Variants in JARID2 observed in about 807,000 individuals in gnomAD.
The protein encoded by JARID2 is protein Jumonji.
In JARID2, 21 loss-of-function variants were observed where a neutral mutation model predicts 125.6. That is an observed-to-expected ratio of 0.17 (90% CI 0.12 to 0.24). The LOEUF (loss-of-function observed/expected upper bound fraction) is 0.24. Among genes scored for constraint, JARID2 ranks in the 10% least tolerant of loss-of-function variants. The pLI is 1.00. For missense variants in JARID2, 1,303 were observed against 1,639.6 expected (o/e 0.79, Z 3.55); for synonymous variants, 736 against 661.6 (o/e 1.11, Z -1.73).
rs187211986 is a variant in JARID2, at chr6:15,483,138, C to T, written c.671-4169C>T. Reference sequence around the variant, plus strand: ...AGTAAAAACTACAAATAACTAAGTCCGAAGAACTATAGTGTGTTGGTCCTT... The same window carrying T: ...AGTAAAAACTACAAATAACTAAGTCTGAAGAACTATAGTGTGTTGGTCCTT... On this transcript the variant is annotated intron_variant, in intron 5 of 17. Coordinates refer to ENST00000341776, the MANE Select transcript of JARID2 (RefSeq NM_004973.4). Among the ~76,000 whole-genome samples, 14 of 152,184 alleles carry T rather than the reference C, an allele frequency of 9.2e-5. No homozygotes were observed. In the East Asian group the frequency reaches 1.5e-3, roughly 17 times the overall value.
At chr6:15,485,162 T>C (rs2127713217) in intron 5 of JARID2, among the ~76,000 whole-genome samples, 1 of 152,356 alleles carries the variant, frequency 6.6e-6, no homozygotes, top group Non-Finnish European at 1.5e-5. Flanking sequence ...CGTCGGATTG[T>C]ATCCCATATT....
chr6:15,275,049 A>T (rs1760443003), intron 1 of JARID2, among the ~76,000 whole-genome samples: 1 of 151,324 alleles, frequency 6.6e-6, no homozygotes, highest in South Asian at 2.1e-4. Flanking sequence ...AGGATTAAAA[A>T]CCTCTGTTTT....
intron 3 of JARID2, among the ~76,000 whole-genome samples, chr6:15,448,511 C>G (rs572965103): frequency 5.9e-5 from 9 of 152,300 alleles, no homozygotes; most frequent in Middle Eastern, 3.4e-3. Flanking sequence ...GGCAATATTT[C>G]TATAAAATTC....
At chr6:15,291,595 C>CCCTGCTAGGCCAGAAGGGAT (rs1761217538) in intron 1 of JARID2, among the ~76,000 whole-genome samples, 1 of 152,210 alleles carries the variant, frequency 6.6e-6, no homozygotes, top group African/African-American at 2.4e-5. Context: ...AGGCCAGAAT[C>CCCTGCTAGGCCAGAAGGGAT]GCTGCATTCA....
At chr6:15,445,736 A>G (rs1044162270) in intron 3 of JARID2, among the ~76,000 whole-genome samples, 22 of 152,178 alleles carry the variant, frequency 1.4e-4, no homozygotes, top group African/African-American at 5.3e-4. Flanking sequence ...GGGTTAGAAA[A>G]GCGCCTTGTG....
intron 1 of JARID2, among the ~76,000 whole-genome samples, chr6:15,344,846 A>G (rs1763193797): frequency 6.6e-6 from 1 of 152,194 alleles, no homozygotes; most frequent in Non-Finnish European, 1.5e-5. Context: ...GCTATTAATA[A>G]TAATAAAAAT....
chr6:15,428,417 A>G (rs1290526105), intron 3 of JARID2, among the ~76,000 whole-genome samples: 1 of 150,826 alleles, frequency 6.6e-6, no homozygotes, highest in Non-Finnish European at 1.5e-5. Flanking sequence ...CTATCCCTCC[A>G]CCCTCCCGCC....
At chr6:15,257,323 A>G (rs145338746) in intron 1 of JARID2, among the ~76,000 whole-genome samples, 333 of 152,312 alleles carry the variant, frequency 2.2e-3, no homozygotes, top group African/African-American at 7.7e-3. Context: ...CAAGTACTCA[A>G]AAGATAGAAA....
intron 2 of JARID2, among the ~76,000 whole-genome samples, chr6:15,383,375 A>ATT (rs899732557): frequency 6.6e-6 from 1 of 151,384 alleles, no homozygotes; most frequent in Non-Finnish European, 1.5e-5. Context: ...TGAAATTAAT[A>ATT]ACTCCCCCTC....
At chr6:15,514,117 CCT>C (rs1467313555) in intron 16 of JARID2, among the ~76,000 whole-genome samples, 1 of 152,216 alleles carries the variant, frequency 6.6e-6, no homozygotes, top group Non-Finnish European at 1.5e-5. Context: ...CCTGCTCACC[CCT>C]GTTCCAGCCC....
At chr6:15,506,069 C>T (rs558140514) in intron 9 of JARID2, among the ~76,000 whole-genome samples, 1 of 152,366 alleles carries the variant, frequency 6.6e-6, no homozygotes, top group Admixed American at 6.5e-5. Flanking sequence ...CTGGATTTTG[C>T]TCTAGCAGTT....
intron 1 of JARID2, among the ~76,000 whole-genome samples, chr6:15,357,430 AAC>A: frequency 6.6e-6 from 1 of 152,342 alleles, no homozygotes; most frequent in Non-Finnish European, 1.5e-5. Context: ...ATGTGATTTA[AAC>A]ATTACATGTC....
intron 1 of JARID2, among the ~76,000 whole-genome samples, chr6:15,277,980 G>A (rs1201790397): frequency 6.6e-6 from 1 of 152,176 alleles, no homozygotes; most frequent in African/African-American, 2.4e-5. Context: ...GGGCGCAGTG[G>A]TTCATGCCTG....
At chr6:15,481,921 C>T (rs1232387761) in intron 5 of JARID2, among the ~76,000 whole-genome samples, 1 of 152,198 alleles carries the variant, frequency 6.6e-6, no homozygotes, top group Non-Finnish European at 1.5e-5. Context: ...ACCTGCCTCC[C>T]TCTCGTCTCC....
At chr6:15,456,733 A>T (rs1768193657) in intron 4 of JARID2, among the ~76,000 whole-genome samples, 1 of 152,104 alleles carries the variant, frequency 6.6e-6, no homozygotes. Flanking sequence ...TATCTAGGAT[A>T]TCTAGATAGC....
At chr6:15,458,591 C>T (rs535419018) in intron 4 of JARID2, among the ~76,000 whole-genome samples, 2 of 152,218 alleles carry the variant, frequency 1.3e-5, no homozygotes, top group East Asian at 3.9e-4. Context: ...ATGCTAGACA[C>T]CTAGAAAACA....
chr6:15,281,300 A>T (rs911375384), intron 1 of JARID2, among the ~76,000 whole-genome samples: 3 of 152,142 alleles, frequency 2.0e-5, no homozygotes, highest in Non-Finnish European at 4.4e-5. Flanking sequence ...GCTGTGTCTC[A>T]CTCTTTACTG....
intron 1 of JARID2, among the ~76,000 whole-genome samples, chr6:15,275,677 T>G (rs994296736): frequency 6.6e-6 from 1 of 152,020 alleles, no homozygotes; most frequent in Non-Finnish European, 1.5e-5. Flanking sequence ...AATAGTGAAT[T>G]TAACAGCATT....
intron 3 of JARID2, among the ~76,000 whole-genome samples, chr6:15,450,039 AT>A (rs200099195): frequency 3.0e-4 from 19 of 62,744 alleles, no homozygotes; most frequent in East Asian, 6.8e-4. Context: ...AAATAGTATA[AT>A]TTTTTTTTAA....
Sources: gnomAD v4.1 joint callset for allele counts (sites outside exome capture counted in the v4.1 genomes callset) on GRCh38, gnomAD v4.1.1 for gene constraint, MANE v1.5 for transcripts, NCBI Gene and HGNC (gene_info 2026-07-23, HGNC 2026-07-21) for gene names.